The following SGCZ variants were observed in gnomAD, a reference collection of about 807,000 sequenced individuals.
SGCZ encodes zeta-sarcoglycan.
A neutral mutation model predicts 41.3 loss-of-function variants in SGCZ; 40 were observed. The ratio of observed to expected loss-of-function variants is 0.97; its 90% CI spans 0.75 to 1.26. SGCZ has a LOEUF of 1.26. Ranked by LOEUF, SGCZ falls within the 50% of genes most tolerant of loss-of-function variation. The pLI is 0.00. For missense variants in SGCZ, 552 were observed against 369.8 expected (o/e 1.49, Z -4.04); for synonymous variants, 206 against 137.5 (o/e 1.50, Z -3.49).
chr8:14,861,737 T>TTATG (rs945370718), intron 1 of SGCZ, among the ~76,000 whole-genome samples: 2 of 151,996 alleles, frequency 1.3e-5, no homozygotes, highest in African/African-American at 4.8e-5. Flanking sequence ...GACCCACAAA[T>TTATG]TATGTTCTTT....
chr8:14,510,057 CT>C (rs1372524638), intron 2 of SGCZ, among the ~76,000 whole-genome samples: 6 of 152,110 alleles, frequency 3.9e-5, no homozygotes, highest in Non-Finnish European at 8.8e-5. Context: ...GATTCCACCC[CT>C]GGCCCCTCCC....
Position 14,719,995 on chromosome 8 carries a change from G to A in SGCZ, c.40-165069C>T, listed in dbSNP as rs1809827534. ...GGGTTTTTAAGGTTTTAGGTCTAAA[G>A]TTTACGTCTTTAATCCATCTTGAAT... On this transcript the variant is annotated intron_variant, in intron 1 of 7. Coordinates refer to ENST00000382080, the MANE Select transcript of SGCZ (RefSeq NM_139167.4). Among the ~76,000 whole-genome samples, 2 of 151,994 alleles carry A rather than the reference G, an allele frequency of 1.3e-5. 1 individual carries two copies. Among genetic ancestry groups the A allele is most frequent in the Non-Finnish European group, 2.9e-5 (2 of 67,986 alleles).
At chr8:15,009,178 G>A (rs1025546444) in intron 1 of SGCZ, among the ~76,000 whole-genome samples, 9 of 152,208 alleles carry the variant, frequency 5.9e-5, no homozygotes, top group Admixed American at 4.6e-4. Flanking sequence ...TACACAGACT[G>A]TACAGGAAGC....
At chr8:14,961,203 A>G (rs1800955232) in intron 1 of SGCZ, among the ~76,000 whole-genome samples, 1 of 151,940 alleles carries the variant, frequency 6.6e-6, no homozygotes, top group African/African-American at 2.4e-5. Context: ...CAGCTCCATC[A>G]TTTTCTTTTT....
At chr8:14,132,814 C>A (rs1034615509) in intron 5 of SGCZ, among the ~76,000 whole-genome samples, 1 of 152,074 alleles carries the variant, frequency 6.6e-6, no homozygotes, top group East Asian at 1.9e-4. Flanking sequence ...GATTCTGCCA[C>A]CTTTTGCGAA....
At chr8:14,589,215 G>A (rs901769893) in intron 1 of SGCZ, among the ~76,000 whole-genome samples, 1 of 151,940 alleles carries the variant, frequency 6.6e-6, no homozygotes, top group African/African-American at 2.4e-5. Context: ...GTGTGCTGGT[G>A]CATGCCTATA....
intron 2 of SGCZ, among the ~76,000 whole-genome samples, chr8:14,348,724 TAAG>T (rs918399966): frequency 7.2e-5 from 11 of 152,136 alleles, no homozygotes; most frequent in African/African-American, 2.7e-4. Flanking sequence ...TGATTTGGTG[TAAG>T]AAGAACATAA....
At chr8:14,648,234 G>T (rs1290823891) in intron 1 of SGCZ, among the ~76,000 whole-genome samples, 1 of 151,964 alleles carries the variant, frequency 6.6e-6, no homozygotes, top group Non-Finnish European at 1.5e-5. Flanking sequence ...AAACAGATAG[G>T]GTTAGTACTA....
At chr8:14,101,188 T>C (rs893241438) in intron 7 of SGCZ, among the ~76,000 whole-genome samples, 5 of 151,964 alleles carry the variant, frequency 3.3e-5, no homozygotes, top group Non-Finnish European at 5.9e-5. Context: ...GCTCAATGTA[T>C]GGATAAAATA....
chr8:14,663,972 C>T (rs1020651435), intron 1 of SGCZ, among the ~76,000 whole-genome samples: 1 of 152,122 alleles, frequency 6.6e-6, no homozygotes, highest in Non-Finnish European at 1.5e-5. Context: ...GAAATACTGT[C>T]TTCCCTATTC....
rs17118881 is a variant in SGCZ, at chr8:14,266,619, T to C, written c.337-28940A>G. Among the ~76,000 whole-genome samples, 309 of 152,158 alleles carry C rather than the reference T, an allele frequency of 2.0e-3. 10 individuals are homozygous for C. In the East Asian group the frequency reaches 0.056, roughly 27 times the overall value. Reference sequence around the variant, plus strand: ...GACAACATGTCACATAAGATCACGATGTGAAAATGTAGTGAAGAGTGAAGA... The same window carrying C: ...GACAACATGTCACATAAGATCACGACGTGAAAATGTAGTGAAGAGTGAAGA... On this transcript the variant is annotated intron_variant, in intron 3 of 7. Coordinates refer to ENST00000382080, the MANE Select transcript of SGCZ (RefSeq NM_139167.4).
intron 2 of SGCZ, among the ~76,000 whole-genome samples, chr8:14,429,897 C>T (rs552639484): frequency 1.6e-4 from 24 of 152,118 alleles, no homozygotes; most frequent in African/African-American, 5.3e-4. Context: ...AAGTTTGCAT[C>T]TTTCCAGGAA....
At chr8:14,831,937 T>A (rs1802548223) in intron 1 of SGCZ, among the ~76,000 whole-genome samples, 1 of 152,116 alleles carries the variant, frequency 6.6e-6, no homozygotes, top group Admixed American at 6.5e-5. Context: ...ACCTAATTCC[T>A]GATTGATTTA....
intron 1 of SGCZ, among the ~76,000 whole-genome samples, chr8:15,129,415 G>C (rs1807817882): frequency 6.6e-6 from 1 of 151,978 alleles, no homozygotes; most frequent in Non-Finnish European, 1.5e-5. Flanking sequence ...AACATTTTTA[G>C]TCAAAGATCT....
intron 1 of SGCZ, among the ~76,000 whole-genome samples, chr8:14,798,318 C>T (rs969024306): frequency 8.5e-5 from 13 of 152,176 alleles, no homozygotes; most frequent in South Asian, 2.1e-4. Context: ...CCTCTCCCCA[C>T]GGTTACCACT....
intron 5 of SGCZ, among the ~76,000 whole-genome samples, chr8:14,122,848 C>CTATT (rs1200895956): frequency 6.6e-6 from 1 of 152,056 alleles, no homozygotes. Context: ...TTAAAGGTTT[C>CTATT]TATTTTAAGA....
intron 2 of SGCZ, among the ~76,000 whole-genome samples, chr8:14,400,441 A>G (rs1799039651): frequency 6.6e-6 from 1 of 152,144 alleles, no homozygotes; most frequent in South Asian, 2.1e-4. Context: ...TAATACATAT[A>G]TAAGCATGTA....
At chr8:15,172,251 T>G (rs986642810) in intron 1 of SGCZ, among the ~76,000 whole-genome samples, 6 of 134,082 alleles carry the variant, frequency 4.5e-5, no homozygotes, top group Non-Finnish European at 7.7e-5. Context: ...AAGCTCCGCC[T>G]CCCGGGTTCA....
intron 2 of SGCZ, among the ~76,000 whole-genome samples, chr8:14,415,416 C>T (rs1465204075): frequency 6.6e-6 from 1 of 151,688 alleles, no homozygotes; most frequent in Non-Finnish European, 1.5e-5. Flanking sequence ...AATGCTCCTA[C>T]AAAAAGGGAA....
Sources: allele counts gnomAD v4.1 joint callset (sites outside exome capture counted in the v4.1 genomes callset), GRCh38; gene constraint gnomAD v4.1.1; transcripts MANE v1.5; gene names NCBI Gene and HGNC (gene_info 2026-07-23, HGNC 2026-07-21).